SGMS1: variants seen among roughly 807,000 people sequenced by gnomAD.
SGMS1 encodes the protein sphingomyelin synthase 1.
In SGMS1, 13 loss-of-function variants were observed where a neutral mutation model predicts 46.2. That is an observed-to-expected ratio of 0.28 (90% CI 0.18 to 0.45). The LOEUF (loss-of-function observed/expected upper bound fraction) is 0.45. Among genes scored for constraint, SGMS1 ranks in the 20% least tolerant of loss-of-function variants. The pLI, the probability that SGMS1 is intolerant of heterozygous loss-of-function variation, is 1.00. For synonymous variants in SGMS1, 203 were observed against 187.8 expected, an observed-to-expected ratio of 1.08 and a Z score of -0.66; for missense variants, 324 against 519.9, an observed-to-expected ratio of 0.62 and a Z score of 3.66.
intron 3 of SGMS1, among the ~76,000 whole-genome samples, chr10:50,511,166 T>A (rs867897896): frequency 3.0e-4 from 46 of 151,136 alleles, no homozygotes; most frequent in Middle Eastern, 3.4e-3. Flanking sequence ...AGAGGCAGAG[T>A]GGATAAAATA....
In SGMS1 at chr10:50,623,750, C is replaced by A; in HGVS notation, c.-727G>T. 1.0e-6 allele frequency: 1 copy of A among 985,272 alleles called. No individual in the cohort carries two copies. The highest frequency in any genetic ancestry group is 5.2e-4 in the Middle Eastern group (1 of 1,912). The allele number at this position is 985,272 out of a possible 1,614,324, so 61.0% of individuals were successfully genotyped here. A position where few individuals can be genotyped will look rare whatever the true frequency, so the allele number is the denominator to read the frequency against. On this transcript the variant is annotated 5_prime_UTR_variant, in exon 1 of 11. Coordinates refer to ENST00000361781, the MANE Select transcript of SGMS1 (RefSeq NM_147156.4). The stretch of plus-strand genomic sequence containing the variant: ...AGCCGCCGGAATTCCGCTCGCGGAG[C>A]CCCCGCCGCGGAATGAAATCCGGGG...
chr10:50,343,923 T>C lies in SGMS1; in HGVS notation c.192A>G (p.Ile64Met). Residue 64 changes from isoleucine to methionine, a missense_variant, in exon 7 of 11, where the codon ATA becomes ATG. Physicochemically the swap from Ile to Met is conservative, Grantham distance 10 (BLOSUM62 1). Around this residue, in one of 2 missense-constraint regions of SGMS1, gnomAD observed 150 missense variants for 169.8 expected, o/e 0.88. Coordinates refer to ENST00000361781, the MANE Select transcript of SGMS1 (RefSeq NM_147156.4). ...AATGGTGCTCCATTTTCAGGGTTTC[T>C]ATCATGTCCAGGAGCCGCTGCCCAT... is the stretch of plus-strand genomic sequence containing the variant. ...SDNGQRLLDM[I>M]ETLKMEHHLE... The C allele has an allele frequency of 1.2e-6, 2 of 1,614,004 alleles. No individual in the cohort carries two copies. The highest frequency in any genetic ancestry group is 1.7e-6 in the Non-Finnish European group (2 of 1,179,874).
chr10:50,519,641 T>A (rs897200147), intron 3 of SGMS1, among the ~76,000 whole-genome samples, 190 bp downstream of exon 3: 1 of 152,184 alleles, frequency 6.6e-6, no homozygotes, highest in African/African-American at 2.4e-5. Context: ...TTTAAGTGTG[T>A]TTCCTACTTT....
intron 6 of SGMS1, among the ~76,000 whole-genome samples, chr10:50,430,872 C>G (rs1564911669): frequency 6.6e-6 from 1 of 151,812 alleles, no homozygotes; most frequent in Admixed American, 6.6e-5. Flanking sequence ...GCAACGAGTC[C>G]CAAGTATCTA....
At chr10:50,351,014 T>C (rs1848002030) in intron 6 of SGMS1, among the ~76,000 whole-genome samples, 1 of 152,028 alleles carries the variant, frequency 6.6e-6, no homozygotes. Context: ...TCAATGCCAG[T>C]CCATGAAATC....
intron 6 of SGMS1, among the ~76,000 whole-genome samples, chr10:50,391,624 C>T (rs540856874): frequency 2.0e-5 from 3 of 152,092 alleles, no homozygotes; most frequent in African/African-American, 2.4e-5. Context: ...TCTCGAAGAA[C>T]GTAAAACAGA....
intron 2 of SGMS1, among the ~76,000 whole-genome samples, chr10:50,535,742 T>C (rs1837995133): frequency 6.6e-6 from 1 of 152,122 alleles, no homozygotes; most frequent in South Asian, 2.1e-4. Context: ...AGATGGAAAC[T>C]TGACTCTTCT....
intron 2 of SGMS1, among the ~76,000 whole-genome samples, chr10:50,547,852 G>T (rs1174661873): frequency 3.9e-5 from 6 of 152,168 alleles, no homozygotes; most frequent in African/African-American, 1.4e-4. Flanking sequence ...TGATAATCAA[G>T]TCAGTTTCAT....
At chr10:50,576,722 C>T (rs534624945) in intron 2 of SGMS1, among the ~76,000 whole-genome samples, 1 of 364 alleles carries the variant, frequency 2.7e-3, no homozygotes, top group Non-Finnish European at 8.2e-3. Context: ...TAAGTGCAAC[C>T]CTTATTTCCG....
chr10:50,360,636 C>T (rs963305445), intron 6 of SGMS1, among the ~76,000 whole-genome samples: 2 of 152,184 alleles, frequency 1.3e-5, no homozygotes, highest in African/African-American at 4.8e-5. Flanking sequence ...GGATTCACTC[C>T]AGCAGTACTC....
intron 1 of SGMS1, among the ~76,000 whole-genome samples, chr10:50,618,284 T>A (rs9919407): frequency 6.6e-6 from 1 of 152,176 alleles, no homozygotes; most frequent in Non-Finnish European, 1.5e-5. Context: ...AGAATATCTT[T>A]GTAATCTTGG....
At chr10:50,310,171 C>T (rs1353649509) in intron 9 of SGMS1, among the ~76,000 whole-genome samples, 1 of 152,132 alleles carries the variant, frequency 6.6e-6, no homozygotes, top group Non-Finnish European at 1.5e-5. Context: ...TATTATTACC[C>T]CTACTCTGAA....
intron 5 of SGMS1, among the ~76,000 whole-genome samples, chr10:50,443,595 G>A (rs930194760): frequency 6.6e-6 from 1 of 151,920 alleles, no homozygotes; most frequent in African/African-American, 2.4e-5. Context: ...AAATGAAAAT[G>A]AGAGATTTGT....
intron 5 of SGMS1, among the ~76,000 whole-genome samples, chr10:50,456,504 G>C (rs1473298055): frequency 6.6e-6 from 1 of 152,140 alleles, no homozygotes; most frequent in Non-Finnish European, 1.5e-5. Flanking sequence ...TTTCTGAGTA[G>C]AGTGCTTCTG....
intron 1 of SGMS1, among the ~76,000 whole-genome samples, chr10:50,599,689 C>A (rs1838631018): frequency 6.6e-6 from 1 of 151,966 alleles, no homozygotes; most frequent in Non-Finnish European, 1.5e-5. Context: ...ATAGTGAAAC[C>A]CCGTCTCTAT....
intron 5 of SGMS1, among the ~76,000 whole-genome samples, chr10:50,450,334 A>T (rs1411932775): frequency 6.6e-6 from 1 of 152,184 alleles, no homozygotes; most frequent in East Asian, 1.9e-4. Flanking sequence ...CTGGTTAGCC[A>T]TCCCTAACTG....
intron 8 of SGMS1, among the ~76,000 whole-genome samples, chr10:50,318,348 T>A (rs1847382590): frequency 1.3e-5 from 2 of 152,214 alleles, no homozygotes; most frequent in African/African-American, 4.8e-5. Context: ...CTCAGTTTTC[T>A]CACCTGTAAA....
chr10:50,527,094 G>GA (rs1270439480), intron 2 of SGMS1, among the ~76,000 whole-genome samples: 1 of 134,014 alleles, frequency 7.5e-6, no homozygotes, highest in Non-Finnish European at 1.6e-5. Flanking sequence ...AAAAAAGAAA[G>GA]AAAGAAAAGA....
At chr10:50,470,852 G>T (rs1347895598) in intron 3 of SGMS1, among the ~76,000 whole-genome samples, 1 of 152,126 alleles carries the variant, frequency 6.6e-6, no homozygotes, top group Admixed American at 6.6e-5. Flanking sequence ...TGGGAGTTCA[G>T]CAACTTCCAA....
Sources: gnomAD v4.1 joint callset for allele counts (sites outside exome capture counted in the v4.1 genomes callset) on GRCh38, gnomAD v4.1.1 for gene constraint, gnomAD v4.1.1 regional missense constraint, MANE v1.5 for transcripts, NCBI Gene and HGNC (gene_info 2026-07-23, HGNC 2026-07-21) for gene names.